The following MYO5C variants were observed in gnomAD, a reference collection of about 807,000 sequenced individuals.
MYO5C encodes unconventional myosin-Vc.
Under a neutral mutation model 235.7 loss-of-function variants are expected in MYO5C, and 194 were observed. The ratio of observed to expected loss-of-function variants is 0.82; its 90% CI spans 0.73 to 0.93. The LOEUF (loss-of-function observed/expected upper bound fraction) is 0.93. Ranked by LOEUF, MYO5C falls within the 40% of genes least tolerant of loss-of-function variation. The pLI, the probability that MYO5C is intolerant of heterozygous loss-of-function variation, is 0.00. For synonymous variants in MYO5C, 707 were observed against 754.8 expected (o/e 0.94, Z 1.04); for missense variants, 2,038 against 2,127.2 (o/e 0.96, Z 0.82).
intron 1 of MYO5C, among the ~76,000 whole-genome samples, chr15:52,288,586 C>T (rs2037324308): frequency 6.6e-6 from 1 of 152,202 alleles, no homozygotes; most frequent in Non-Finnish European, 1.5e-5. Context: ...ATTCCTGTCC[C>T]CTCCTCCCTC....
intron 8 of MYO5C, among the ~76,000 whole-genome samples, chr15:52,268,687 A>G (rs1220447693): frequency 6.6e-6 from 1 of 152,236 alleles, no homozygotes. Flanking sequence ...TATAAACACC[A>G]TCTGGTAGAC....
chr15:52,212,030 T>C, intron 34 of MYO5C, 146 bp from the exon 35 acceptor site: 1 of 729,562 alleles, frequency 1.4e-6, no homozygotes, highest in Non-Finnish European at 2.1e-6. Context: ...CTTTGAGGAA[T>C]TCCATCTGGC....
intron 16 of MYO5C, 121 bp downstream of exon 16, chr15:52,246,796 G>A: frequency 1.4e-6 from 1 of 717,652 alleles, no homozygotes; most frequent in Non-Finnish European, 2.3e-6. Flanking sequence ...GCATTGTTCT[G>A]AATCATTAAA....
chr15:52,265,840 C>T (rs1238631631), intron 8 of MYO5C, among the ~76,000 whole-genome samples: 2 of 152,186 alleles, frequency 1.3e-5, no homozygotes, highest in Admixed American at 1.3e-4. Flanking sequence ...CCAGAGTCTC[C>T]TCTACTACAA....
chr15:52,213,347 T>C (rs1277425962), intron 33 of MYO5C, 61 bp from the exon 34 acceptor site: 6 of 1,205,678 alleles, frequency 5.0e-6, no homozygotes, highest in East Asian at 2.3e-5. Flanking sequence ...GGTCTCACAA[T>C]GTGACTACTC....
intron 38 of MYO5C, 89 bp downstream of exon 38, chr15:52,204,776 G>T: frequency 6.8e-7 from 1 of 1,461,268 alleles, no homozygotes; most frequent in Non-Finnish European, 9.2e-7. Context: ...TGACGCCACA[G>T]CAGGGAGGGT....
intron 34 of MYO5C, 49 bp downstream of exon 34, chr15:52,213,139 G>T: frequency 1.4e-6 from 2 of 1,432,102 alleles, no homozygotes; most frequent in Non-Finnish European, 2.0e-6. Context: ...TGACTGATAT[G>T]CAAGTTCTCA....
At chr15:52,201,132 A>C (rs1296587500) in intron 38 of MYO5C, among the ~76,000 whole-genome samples, 1 of 152,232 alleles carries the variant, frequency 6.6e-6, no homozygotes, top group Non-Finnish European at 1.5e-5. Flanking sequence ...ATATCTGAAA[A>C]AACAGTGGCT....
intron 5 of MYO5C, 72 bp from the exon 6 acceptor site, chr15:52,272,795 T>G: frequency 6.6e-7 from 1 of 1,517,062 alleles, no homozygotes; most frequent in Non-Finnish European, 9.1e-7. Context: ...GGAGGGGTTT[T>G]TAGTAAAAGG....
chr15:52,225,644 G>A (rs1004112227), intron 25 of MYO5C, 112 bp from the exon 26 acceptor site: 6 of 746,246 alleles, frequency 8.0e-6, no homozygotes, highest in Non-Finnish European at 1.4e-5. Flanking sequence ...CATCCTCACT[G>A]CAGTTTCTTT....
In MYO5C at chr15:52,295,651, G is replaced by C; in HGVS notation, c.-15C>G. 2.7e-6 allele frequency: 4 copies of C among 1,455,328 alleles called. No individual in the cohort carries two copies. The South Asian group carries it at 5.5e-5, about 20-fold the overall frequency. The allele number at this position is 1,455,328 out of a possible 1,614,324, so 90.2% of individuals were successfully genotyped here. The stretch of plus-strand genomic sequence containing the variant: ...GCCACCGCCATGGGCAGGAGGGGCC[G>C]GGGCCAGGCCGGGGCTGCCGAACGT... On this transcript the variant is annotated 5_prime_UTR_variant, in exon 1 of 41. Coordinates refer to ENST00000261839, the MANE Select transcript of MYO5C (RefSeq NM_018728.4).
In MYO5C at chr15:52,251,433, C is replaced by T; in HGVS notation, c.1619G>A (p.Arg540Lys). ...VNRNPLFEKPRMSNTSFVIQH... is the reference protein window; with the variant it reads ...VNRNPLFEKPKMSNTSFVIQH... ...GATGACAAAGGATGTGTTTGACATT[C>T]TAGGCTTTTCAAACAAAGGGTTCCT... The change falls in exon 13 of 41, where the codon AGA becomes AAA. Residue 540 changes from arginine to lysine, a missense_variant. By Grantham distance (26) the Arg-to-Lys change is conservative. Coordinates refer to ENST00000261839, the MANE Select transcript of MYO5C (RefSeq NM_018728.4). 1.9e-6 allele frequency: 3 copies of T among 1,604,728 alleles called. No individual in the cohort carries two copies. Among genetic ancestry groups the T allele is most frequent in the Non-Finnish European group, 2.6e-6 (3 of 1,174,772 alleles).
intron 35 of MYO5C, among the ~76,000 whole-genome samples, chr15:52,210,433 A>T (rs781017758): frequency 1.3e-5 from 2 of 152,154 alleles, no homozygotes; most frequent in Non-Finnish European, 2.9e-5. Context: ...AGTGTTATTT[A>T]TGTCTTATTG....
rs202221052 is a variant in MYO5C at position 52,224,966 on chromosome 15, A to G, written c.3381T>C (p.Asp1127=). 7.3e-4 allele frequency: 1,184 copies of G among 1,614,068 alleles called. 1 individual carries two copies. Among genetic ancestry groups the G allele is most frequent in the Non-Finnish European group, 9.4e-4 (1,104 of 1,179,958 alleles). Residue 1127 remains aspartate, a synonymous_variant, in exon 28 of 41, where the codon GAT becomes GAC. Transcript: ENST00000261839. ...CTCCATCCTCATTTAAATGTTCCAG[A>G]TCTTCCACAGAGAGCCTGCAAAATA... ...EDVRSRLSVE[D]LEHLNEDGEL...
intron 9 of MYO5C, among the ~76,000 whole-genome samples, chr15:52,263,896 C>A (rs1674443170): frequency 6.6e-6 from 1 of 152,188 alleles, no homozygotes; most frequent in African/African-American, 2.4e-5. Flanking sequence ...TTGTTCACTG[C>A]TGTTTCCCCA....
chr15:52,261,385 T>C (rs1010542250), intron 9 of MYO5C, among the ~76,000 whole-genome samples: 1 of 152,232 alleles, frequency 6.6e-6, no homozygotes, highest in African/African-American at 2.4e-5. Context: ...CGTCCCACGC[T>C]GATTTTTCAT....
intron 5 of MYO5C, among the ~76,000 whole-genome samples, chr15:52,274,674 C>CG (rs955377750): frequency 6.8e-6 from 1 of 147,668 alleles, no homozygotes; most frequent in African/African-American, 2.5e-5. Flanking sequence ...CTTAGTACCC[C>CG]CCCCCCGACA....
intron 25 of MYO5C, among the ~76,000 whole-genome samples, chr15:52,226,791 T>G (rs988145070): frequency 6.6e-6 from 1 of 152,228 alleles, no homozygotes; most frequent in Admixed American, 6.5e-5. Flanking sequence ...GATTTGCATT[T>G]ACTTAGGCTT....
At chr15:52,261,149 C>T (rs760573062) in intron 9 of MYO5C, 22 bp from the exon 10 acceptor site, 15 of 1,609,886 alleles carry the variant, frequency 9.3e-6, no homozygotes, top group African/African-American at 1.3e-5. Context: ...AGCACAAGCC[C>T]CGTCAGGTGG....
Sources: allele counts gnomAD v4.1 joint callset (sites outside exome capture counted in the v4.1 genomes callset), GRCh38; gene constraint gnomAD v4.1.1; transcripts MANE v1.5; gene names NCBI Gene and HGNC (gene_info 2026-07-23, HGNC 2026-07-21).